DOCK10: variants seen among roughly 807,000 people sequenced by gnomAD.
DOCK10 encodes the protein dedicator of cytokinesis 10.
DOCK10 carries 145 observed loss-of-function variants against 280.1 expected under a neutral mutation model. That is an observed-to-expected ratio of 0.52 (90% CI 0.45 to 0.59). The LOEUF (loss-of-function observed/expected upper bound fraction) is 0.59. Ranked by LOEUF, DOCK10 falls within the 20% of genes least tolerant of loss-of-function variation. DOCK10 has a pLI of 0.00. For missense variants in DOCK10, 2,368 were observed against 2,651.7 expected (o/e 0.89, Z 2.35); for synonymous variants, 915 against 942.2 (o/e 0.97, Z 0.53).
At chr2:225,017,597 GA>G (rs1268696724) in intron 1 of DOCK10, among the ~76,000 whole-genome samples, 3 of 148,986 alleles carry the variant, frequency 2.0e-5, no homozygotes, top group Non-Finnish European at 4.4e-5. Flanking sequence ...TTTTCTTGTA[GA>G]TTTTTTAACT....
At chr2:224,972,075 C>A (rs1705118153) in intron 1 of DOCK10, among the ~76,000 whole-genome samples, 1 of 152,112 alleles carries the variant, frequency 6.6e-6, no homozygotes, top group Admixed American at 6.5e-5. Flanking sequence ...GCTTTAATTT[C>A]TTCCTTAACT....
rs556308890 is a variant in DOCK10, at chr2:225,036,940, C to T, written c.123+5312G>A. On this transcript the variant is annotated intron_variant, in intron 1 of 55. Coordinates refer to ENST00000258390, the MANE Select transcript of DOCK10 (RefSeq NM_014689.3). ...CTGGCTAATATTACTTTTCACTGCC[C>T]TTACTATATTTTGTTGTTGTCATCT... is the stretch of plus-strand genomic sequence containing the variant. Among the ~76,000 whole-genome samples, 3 of 151,514 alleles carry T rather than the reference C, an allele frequency of 2.0e-5. No homozygotes were observed. In the East Asian group the frequency reaches 5.8e-4, roughly 29 times the overall value.
At chr2:224,914,329 T>G (rs946158829) in intron 3 of DOCK10, among the ~76,000 whole-genome samples, 5 of 152,086 alleles carry the variant, frequency 3.3e-5, no homozygotes, top group African/African-American at 7.2e-5. Context: ...AGCTAGCATC[T>G]CTCTAAGGAA....
intron 28 of DOCK10, among the ~76,000 whole-genome samples, chr2:224,820,641 A>C (rs927554323): frequency 6.6e-6 from 1 of 152,232 alleles, no homozygotes; most frequent in Non-Finnish European, 1.5e-5. Context: ...TACACATAAA[A>C]TCTTGCTATG....
intron 1 of DOCK10, among the ~76,000 whole-genome samples, chr2:225,020,034 C>T (rs1279767680): frequency 1.3e-5 from 2 of 152,058 alleles, no homozygotes; most frequent in African/African-American, 4.8e-5. Context: ...GAGATACATC[C>T]CAACATATAC....
chr2:225,035,037 C>A (rs1475118174), intron 1 of DOCK10, among the ~76,000 whole-genome samples: 1 of 152,094 alleles, frequency 6.6e-6, no homozygotes, highest in South Asian at 2.1e-4. Context: ...AATTCAAGAG[C>A]CCAATCACCT....
In DOCK10 at chr2:224,841,018, A is replaced by G. The variant is rs115893757; in HGVS notation, c.2661+786T>C. On this transcript the variant is annotated intron_variant, in intron 23 of 55. Transcript: ENST00000258390. ...TGAAATGAGCCAGGCACAGAAAGAC[A>G]AATACCGCATGATCTCATTTATATG... Among the ~76,000 whole-genome samples the G allele has an allele frequency of 9.6e-3, 1,459 of 152,324 alleles. 15 individuals are homozygous for G. Among genetic ancestry groups the G allele is most frequent in the African/African-American group, 0.033 (1,375 of 41,562 alleles).
chr2:224,883,123 G>A (rs1699067718), intron 7 of DOCK10, among the ~76,000 whole-genome samples: 1 of 152,190 alleles, frequency 6.6e-6, no homozygotes, highest in African/African-American at 2.4e-5. Context: ...GACAGGCCCA[G>A]CTTTTTCTGT....
At chr2:224,826,821 G>A (rs1275910358) in intron 27 of DOCK10, among the ~76,000 whole-genome samples, 4 of 151,728 alleles carry the variant, frequency 2.6e-5, no homozygotes, top group Admixed American at 2.6e-4. Flanking sequence ...GAAATTAGCT[G>A]GGCTTGGTGG....
chr2:224,922,898 C>CA (rs1701847711), intron 2 of DOCK10, among the ~76,000 whole-genome samples: 1 of 152,138 alleles, frequency 6.6e-6, no homozygotes, highest in East Asian at 1.9e-4. Context: ...ATAAGCCTCA[C>CA]AATAAGAACT....
At chr2:224,938,977 A>C (rs980261841) in intron 1 of DOCK10, among the ~76,000 whole-genome samples, 1 of 152,234 alleles carries the variant, frequency 6.6e-6, no homozygotes, top group Non-Finnish European at 1.5e-5. Context: ...TGAACCACAC[A>C]GTTTCATGAG....
At position 224,796,379 on chromosome 2, in the gene DOCK10, G is replaced by C; in HGVS notation, c.4875C>G (p.Gly1625=). 1 of 1,573,866 alleles carries C rather than the reference G, an allele frequency of 6.4e-7. No individual in the cohort carries two copies. The highest frequency in any genetic ancestry group is 8.6e-7 in the Non-Finnish European group (1 of 1,158,352). The stretch of plus-strand genomic sequence containing the variant: ...TTGCAAGCGAATGTTGAAACCGAGA[G>C]CCTCCAATCCCAGCATCGGCTATTA... ...SQLIADAGIG[G]SRFQHSLAIT... is the part of the protein sequence containing the mutation. Residue 1625 remains glycine, a synonymous_variant, in exon 44 of 56, where the codon GGC becomes GGG. Transcript: ENST00000258390.
At chr2:224,822,761 G>A (rs1694582991) in intron 28 of DOCK10, among the ~76,000 whole-genome samples, 1 of 151,992 alleles carries the variant, frequency 6.6e-6, no homozygotes, top group Non-Finnish European at 1.5e-5. Context: ...AAACAAAAAT[G>A]CTAAATTCCT....
chr2:224,891,118 G>T (rs1196137513), intron 4 of DOCK10, among the ~76,000 whole-genome samples: 1 of 152,160 alleles, frequency 6.6e-6, no homozygotes, highest in Non-Finnish European at 1.5e-5. Context: ...TGGATGGACA[G>T]GTTGTGTAAT....
intron 1 of DOCK10, among the ~76,000 whole-genome samples, chr2:225,014,081 A>ATATATATATATATATATATATTT (rs776104946): frequency 1.0e-5 from 1 of 96,800 alleles, no homozygotes; most frequent in African/African-American, 4.7e-5. Context: ...GTCTGAATAT[A>ATATATATATATATATATATATTT]TTGTTTTTTT....
chr2:224,922,832 A>G (rs1440633398), intron 2 of DOCK10, among the ~76,000 whole-genome samples: 2 of 152,218 alleles, frequency 1.3e-5, no homozygotes, highest in African/African-American at 4.8e-5. Context: ...CCTGTTCAAA[A>G]AGGAGGACAA....
chr2:224,831,198 G>A (rs576275908), intron 26 of DOCK10, among the ~76,000 whole-genome samples: 1 of 152,182 alleles, frequency 6.6e-6, no homozygotes, highest in African/African-American at 2.4e-5. Context: ...GCCTCCCAAA[G>A]TCCTGGGATT....
intron 1 of DOCK10, among the ~76,000 whole-genome samples, chr2:224,958,531 A>G (rs577821035): frequency 2.6e-5 from 4 of 152,302 alleles, no homozygotes; most frequent in African/African-American, 9.6e-5. Flanking sequence ...GTCTTGCAAC[A>G]CTGGCTATTT....
chr2:224,998,708 C>A (rs1439914944), intron 1 of DOCK10, among the ~76,000 whole-genome samples: 1 of 152,136 alleles, frequency 6.6e-6, no homozygotes, highest in Non-Finnish European at 1.5e-5. Context: ...ATCTAAGCAC[C>A]CCCTTTCTTC....
Sources: allele counts gnomAD v4.1 joint callset (sites outside exome capture counted in the v4.1 genomes callset), GRCh38; gene constraint gnomAD v4.1.1; transcripts MANE v1.5; gene names NCBI Gene and HGNC (gene_info 2026-07-23, HGNC 2026-07-21).